The following CDH12 variants were observed in gnomAD, a reference collection of about 807,000 sequenced individuals.
CDH12 encodes cadherin 12, also known as cadherin-12.
In CDH12, 41 loss-of-function variants were observed where a neutral mutation model predicts 74.1. The observed-to-expected ratio is 0.55, with a 90% CI of 0.43 to 0.72. The LOEUF (loss-of-function observed/expected upper bound fraction) is 0.72, where lower values mean the gene tolerates loss of function less well. Among genes scored for constraint, CDH12 ranks in the 30% least tolerant of loss-of-function variants. The probability of loss-of-function intolerance (pLI) is 0.00; values close to 1 mark genes in which losing one functional copy is unlikely to be tolerated. For synonymous variants in CDH12, 399 were observed against 355.0 expected (o/e 1.12, Z -1.39); for missense variants, 945 against 977.2 (o/e 0.97, Z 0.44).
intron 1 of CDH12, among the ~76,000 whole-genome samples, chr5:22,582,824 C>A (rs758870082): frequency 2.0e-5 from 3 of 152,120 alleles, no homozygotes; most frequent in Non-Finnish European, 4.4e-5. Flanking sequence ...AAAACGTCAT[C>A]TGAATTTGTC....
At chr5:22,099,192 T>C (rs1005074832) in intron 4 of CDH12, among the ~76,000 whole-genome samples, 3 of 152,088 alleles carry the variant, frequency 2.0e-5, no homozygotes, top group Admixed American at 1.3e-4. Flanking sequence ...TTTCTTCCCT[T>C]CTCTCAGACA....
chr5:22,530,510 T>TCA (rs10677358), intron 1 of CDH12, among the ~76,000 whole-genome samples: 26,197 of 152,030 alleles, frequency 0.17, 2,802 homozygotes, highest in East Asian at 0.37. Flanking sequence ...ATTAAAATTC[T>TCA]GTTTGCTTAG....
chr5:22,686,908 T>C (rs1049835409), intron 1 of CDH12, among the ~76,000 whole-genome samples: 2 of 151,826 alleles, frequency 1.3e-5, no homozygotes, highest in African/African-American at 2.4e-5. Flanking sequence ...AAAAATACTC[T>C]CTTTTTCCTT....
At chr5:22,208,156 C>A (rs10045216) in intron 4 of CDH12, among the ~76,000 whole-genome samples, 1 of 152,060 alleles carries the variant, frequency 6.6e-6, no homozygotes, top group Non-Finnish European at 1.5e-5. Context: ...CATTACTGCC[C>A]TATCCATTGT....
At chr5:22,588,196 G>A (rs1740510698) in intron 1 of CDH12, among the ~76,000 whole-genome samples, 1 of 151,814 alleles carries the variant, frequency 6.6e-6, no homozygotes, top group South Asian at 2.1e-4. Flanking sequence ...CCAAACTAAT[G>A]TGTAGAAATG....
intron 1 of CDH12, among the ~76,000 whole-genome samples, chr5:22,698,122 C>CTTTTTTTTTTTTTTT (rs10677695): frequency 6.6e-5 from 6 of 91,200 alleles, no homozygotes; most frequent in Non-Finnish European, 1.0e-4. Context: ...AAAGGCAGGG[C>CTTTTTTTTTTTTTTT]TTTTTTTTTT....
intron 8 of CDH12, among the ~76,000 whole-genome samples, chr5:21,826,379 G>C (rs930583400): frequency 6.6e-6 from 1 of 152,112 alleles, no homozygotes; most frequent in African/African-American, 2.4e-5. Flanking sequence ...ACTAGAATCT[G>C]CTTCTTAGTA....
At chr5:21,791,682 T>TA (rs34771574) in intron 10 of CDH12, among the ~76,000 whole-genome samples, 122 of 147,716 alleles carry the variant, frequency 8.3e-4, no homozygotes, top group African/African-American at 2.3e-3. Context: ...TGATTGTTGC[T>TA]AAAAAAAAAA....
chr5:22,204,320 C>A (rs1359913003), intron 4 of CDH12, among the ~76,000 whole-genome samples: 1 of 152,066 alleles, frequency 6.6e-6, no homozygotes, highest in East Asian at 1.9e-4. Context: ...GTCACCACGC[C>A]CGGTTAGTTT....
intron 6 of CDH12, among the ~76,000 whole-genome samples, chr5:21,974,609 C>T (rs1756983519): frequency 6.6e-6 from 1 of 152,108 alleles, no homozygotes; most frequent in Non-Finnish European, 1.5e-5. Context: ...GAAAAGGAAA[C>T]AGTATTACCC....
intron 1 of CDH12, among the ~76,000 whole-genome samples, chr5:22,701,106 A>G (rs1013681453): frequency 6.6e-6 from 1 of 152,068 alleles, no homozygotes; most frequent in African/African-American, 2.4e-5. Flanking sequence ...TTCTATCCGT[A>G]TGCCCCAAAC....
At chr5:22,811,151 A>G in intron 1 of CDH12, among the ~76,000 whole-genome samples, 1 of 145,530 alleles carries the variant, frequency 6.9e-6, no homozygotes, top group African/African-American at 2.8e-5. Context: ...CCAAATATAC[A>G]TATATATATA....
chr5:22,025,513 A>G (rs1738287924), intron 5 of CDH12, among the ~76,000 whole-genome samples: 1 of 152,152 alleles, frequency 6.6e-6, no homozygotes, highest in African/African-American at 2.4e-5. Context: ...CTTGCCTTGG[A>G]TGGGCTTGAC....
intron 1 of CDH12, among the ~76,000 whole-genome samples, chr5:22,698,602 G>A (rs1454787304): frequency 6.8e-6 from 1 of 146,266 alleles, no homozygotes; most frequent in Non-Finnish European, 1.5e-5. Context: ...AATCACAGAA[G>A]TTTTAATTGA....
intron 6 of CDH12, among the ~76,000 whole-genome samples, chr5:21,911,272 C>T (rs1753847685): frequency 6.6e-6 from 1 of 152,116 alleles, no homozygotes; most frequent in Admixed American, 6.6e-5. Flanking sequence ...AATCCCAATA[C>T]AGCCTATAAA....
intron 1 of CDH12, among the ~76,000 whole-genome samples, chr5:22,667,473 C>T (rs759049759): frequency 6.6e-6 from 1 of 152,152 alleles, no homozygotes; most frequent in Non-Finnish European, 1.5e-5. Context: ...CAAATTTACA[C>T]CATAAATAGT....
intron 2 of CDH12, among the ~76,000 whole-genome samples, chr5:22,489,381 G>A (rs568926625): frequency 3.0e-4 from 45 of 151,736 alleles, no homozygotes; most frequent in South Asian, 1.3e-3. Flanking sequence ...ACTTTTCATG[G>A]AAAAAACTGC....
chr5:21,807,971 C>T (rs546123810), intron 9 of CDH12, among the ~76,000 whole-genome samples: 7 of 152,190 alleles, frequency 4.6e-5, no homozygotes, highest in Admixed American at 6.6e-5. Flanking sequence ...AGATGCTTTT[C>T]GTCCTGCCTT....
chr5:22,545,001 C>T (rs972209065), intron 1 of CDH12, among the ~76,000 whole-genome samples: 3 of 152,106 alleles, frequency 2.0e-5, no homozygotes, highest in Non-Finnish European at 4.4e-5. Flanking sequence ...CATCTACTCA[C>T]ACACGTACAC....
Sources: allele counts gnomAD v4.1 joint callset (sites outside exome capture counted in the v4.1 genomes callset), GRCh38; gene constraint gnomAD v4.1.1; transcripts MANE v1.5; gene names NCBI Gene and HGNC (gene_info 2026-07-23, HGNC 2026-07-21).